Variants in PLRG1 observed in about 807,000 individuals in gnomAD.
PLRG1 encodes the protein pleiotropic regulator 1, also known as pleiotropic regulator 1 (PRL1 homolog, Arabidopsis).
A neutral mutation model predicts 74.9 loss-of-function variants in PLRG1; 28 were observed. That is an observed-to-expected ratio of 0.37 (90% CI 0.28 to 0.51). The LOEUF (loss-of-function observed/expected upper bound fraction) is 0.51, where lower values mean the gene tolerates loss of function less well. Ranked by LOEUF, PLRG1 falls within the 20% of genes least tolerant of loss-of-function variation. PLRG1 has a pLI of 0.91. For missense variants in PLRG1, 445 were observed against 631.9 expected, an observed-to-expected ratio of 0.70 and a Z score of 3.17; for synonymous variants, 197 against 212.4, an observed-to-expected ratio of 0.93 and a Z score of 0.63.
At chr4:154,546,074 G>T in intron 5 of PLRG1, 49 bp downstream of exon 5, 1 of 1,224,848 alleles carries the variant, frequency 8.2e-7, no homozygotes, top group Non-Finnish European at 1.2e-6. Context: ...GAAAAAATGT[G>T]AACAGTGAAA....
chr4:154,549,881 C>G (rs1261538683), intron 1 of PLRG1: 6 of 414,746 alleles, frequency 1.4e-5, no homozygotes, highest in African/African-American at 4.1e-5. Flanking sequence ...ATGTAAAGAA[C>G]GGCAAGTTTT....
chr4:154,536,918 CAGAT>C (rs199991838), intron 14 of PLRG1, among the ~76,000 whole-genome samples, 174 bp from the exon 15 acceptor site: 1,815 of 151,954 alleles, frequency 0.012, 35 homozygotes, highest in African/African-American at 0.04. Context: ...AGTCTAATAA[CAGAT>C]GGATGGATTC....
In PLRG1 at chr4:154,545,563, G is replaced by GA. The variant is rs528049063; in HGVS notation, c.492+272dup. ...TCAATACATACTAACACAAGTTTCA[G>GA]AAAAACTCTCCTTGCATTTTTAATA... is the stretch of plus-strand genomic sequence containing the variant. On this transcript the variant is annotated intron_variant, in intron 6 of 14. Transcript: ENST00000499023. Among the ~76,000 whole-genome samples, 24 of 151,606 alleles carry GA rather than the reference G, an allele frequency of 1.6e-4. No homozygotes were observed. In the East Asian group the frequency reaches 4.5e-3, roughly 28 times the overall value.
intron 4 of PLRG1, chr4:154,546,745 A>C: frequency 2.0e-6 from 1 of 496,182 alleles, no homozygotes. Context: ...TGTCTGCCTA[A>C]ACCACCAGAT....
chr4:154,546,115 T>C lies in PLRG1; in HGVS notation c.404+8A>G, dbSNP rs770503092. Reference sequence around the variant, plus strand: ...TTTTAAGATCTTTGTAATTATAATATTTCATACTTGGTCTGCAAAGGTAAT... The same window carrying C: ...TTTTAAGATCTTTGTAATTATAATACTTCATACTTGGTCTGCAAAGGTAAT... On this transcript the variant is annotated splice_region_variant and intron_variant, in intron 5 of 14. Coordinates refer to ENST00000499023, the MANE Select transcript of PLRG1 (RefSeq NM_002669.4). The C allele has an allele frequency of 6.7e-7, 1 of 1,494,538 alleles. No homozygotes were observed. The highest frequency in any genetic ancestry group is 9.3e-7 in the Non-Finnish European group (1 of 1,078,060). 92.6% of individuals were successfully genotyped at this position (1,494,538 alleles called of 1,614,324 possible).
At chr4:154,550,211 GACTCCAAGT>G in intron 1 of PLRG1, 80 bp downstream of exon 1, 1 of 1,159,418 alleles carries the variant, frequency 8.6e-7, no homozygotes. Flanking sequence ...TTTCTCTCTG[GACTCCAAGT>G]ACTCTCAATC....
intron 14 of PLRG1, among the ~76,000 whole-genome samples, chr4:154,537,004 A>G (rs537115807): frequency 6.6e-6 from 1 of 152,240 alleles, no homozygotes; most frequent in East Asian, 1.9e-4. Context: ...ACCAAAGCTT[A>G]TGATTCTCGA....
intron 11 of PLRG1, among the ~76,000 whole-genome samples, 173 bp downstream of exon 11, chr4:154,539,778 C>T (rs1729522343): frequency 1.3e-5 from 2 of 151,988 alleles, no homozygotes; most frequent in Non-Finnish European, 2.9e-5. Context: ...GAGGTAAAAA[C>T]AGTGGAATGA....
chr4:154,540,854 T>G lies in PLRG1; in HGVS notation c.768A>C (p.Thr256=). The G allele has an allele frequency of 6.2e-7, 1 of 1,613,632 alleles. No individual in the cohort carries two copies. The highest frequency in any genetic ancestry group is 8.5e-7 in the Non-Finnish European group (1 of 1,179,544). The part of the protein sequence containing the change: ...ISTVRGVIVS[T]RSPYLFSCGE... ...CACAAGAGAACAGATATGGGCTCCT[T>G]GTGCTTACTATCACGCCCCGCACAG... Residue 256 remains threonine, a synonymous_variant, in exon 9 of 15, where the codon ACA becomes ACC. Transcript: ENST00000499023.
At position 154,535,083 on chromosome 4, in the gene PLRG1, C is replaced by T. The variant is rs1030359642; in HGVS notation, c.*1602G>A. On this transcript the variant is annotated 3_prime_UTR_variant, in exon 15 of 15. Coordinates refer to ENST00000499023, the MANE Select transcript of PLRG1 (RefSeq NM_002669.4). ...AAAACATTATAGAAATATGTAAAGC[C>T]ACCCATGAAAGTTCTTCCATAATTC... 1 of 151,920 alleles carries T rather than the reference C, an allele frequency of 6.6e-6. No homozygotes were observed. Among genetic ancestry groups the T allele is most frequent in the Non-Finnish European group, 1.5e-5 (1 of 67,958 alleles). 9.4% of individuals were successfully genotyped at this position (151,920 alleles called of 1,614,324 possible).
In PLRG1 at chr4:154,535,189, CAACTTT is replaced by C. The variant is rs982906314; in HGVS notation, c.*1490_*1495del. 2.0e-5 allele frequency: 3 copies of C among 151,228 alleles called. No individual in the cohort carries two copies. Among genetic ancestry groups the C allele is most frequent in the African/African-American group, 7.4e-5 (3 of 40,752 alleles). The allele number at this position is 151,228 out of a possible 1,614,324, so 9.4% of individuals were successfully genotyped here. A position where few individuals can be genotyped will look rare whatever the true frequency, so the allele number is the denominator to read the frequency against. ...CAAGTTGTCCACAAAAATGCTTGCA[CAACTTT>C]TTTTTTTACCCAAGTTTAGAAATCT... is the stretch of plus-strand genomic sequence containing the variant. On this transcript the variant is annotated 3_prime_UTR_variant, in exon 15 of 15. Coordinates refer to ENST00000499023, the MANE Select transcript of PLRG1 (RefSeq NM_002669.4).
At chr4:154,546,775 AACAGTTTT>A in intron 4 of PLRG1, 1 of 537,872 alleles carries the variant, frequency 1.9e-6, no homozygotes, top group South Asian at 2.6e-5. Flanking sequence ...CTAGGCCTGC[AACAGTTTT>A]ACTGTCTTTG....
chr4:154,546,296 C>A, intron 4 of PLRG1, 83 bp from the exon 5 acceptor site: 1 of 732,488 alleles, frequency 1.4e-6, no homozygotes, highest in Non-Finnish European at 2.4e-6. Flanking sequence ...TGAAGGAAAA[C>A]ATACACCAAA....
At position 154,550,364 on chromosome 4, in the gene PLRG1, T is replaced by G; in HGVS notation, c.-56A>C. 1 of 1,557,224 alleles carries G rather than the reference T, an allele frequency of 6.4e-7. No individual in the cohort carries two copies. The highest frequency in any genetic ancestry group is 8.9e-7 in the Non-Finnish European group (1 of 1,128,850). On this transcript the variant is annotated 5_prime_UTR_variant, in exon 1 of 15. Coordinates refer to ENST00000499023, the MANE Select transcript of PLRG1 (RefSeq NM_002669.4). ...GAAGAAACTCTAATCACTAACGCAG[T>G]ACCCGCCGCCACAGCTGTGCAGCAC...
rs543106935 is a variant in PLRG1 at position 154,544,879 on chromosome 4, G to A, written c.493-333C>T. 5.3e-5 allele frequency among the ~76,000 whole-genome samples: 8 copies of A among 152,238 alleles called. No individual in the cohort carries two copies. In the East Asian group the frequency reaches 1.4e-3, roughly 26 times the overall value. On this transcript the variant is annotated intron_variant, in intron 6 of 14. Coordinates refer to ENST00000499023, the MANE Select transcript of PLRG1 (RefSeq NM_002669.4). ...GCCTATTTCATAGGGTTACTACAAA[G>A]ATTTAATAAGTAGTAAATGCTCCAT...
At chr4:154,540,533 A>G (rs1729537314) in intron 10 of PLRG1, 61 bp downstream of exon 10, 1 of 1,108,616 alleles carries the variant, frequency 9.0e-7, no homozygotes, top group Admixed American at 1.7e-5. Context: ...ACTGAAACCG[A>G]AAGTGCACCC....
chr4:154,546,963 T>C, intron 4 of PLRG1, 48 bp downstream of exon 4: 1 of 1,343,296 alleles, frequency 7.4e-7, no homozygotes, highest in Non-Finnish European at 1.1e-6. Flanking sequence ...TTAGTGAAAA[T>C]ATATGTGACA....
chr4:154,538,897 T>C (rs1729504893), intron 12 of PLRG1: 6 of 488,848 alleles, frequency 1.2e-5, no homozygotes, highest in Non-Finnish European at 2.2e-5. Context: ...TTATTTGTTA[T>C]CAAGTAGAAG....
At chr4:154,546,272 TTAAAA>T (rs1729651329) in intron 4 of PLRG1, 59 bp from the exon 5 acceptor site, 1 of 865,440 alleles carries the variant, frequency 1.2e-6, no homozygotes, top group Non-Finnish European at 2.0e-6. Flanking sequence ...TTACATGCAC[TTAAAA>T]TAAAATGATG....
Sources: allele counts gnomAD v4.1 joint callset (sites outside exome capture counted in the v4.1 genomes callset), GRCh38; gene constraint gnomAD v4.1.1; transcripts MANE v1.5; gene names NCBI Gene and HGNC (gene_info 2026-07-23, HGNC 2026-07-21).